Variants in TGFBRAP1 observed in about 807,000 individuals in gnomAD.
TGFBRAP1 encodes transforming growth factor beta receptor associated protein 1.
A neutral mutation model predicts 83.2 loss-of-function variants in TGFBRAP1; 20 were observed. That is an observed-to-expected ratio of 0.24 (90% confidence interval 0.17 to 0.35). TGFBRAP1 has a LOEUF of 0.35. Among genes scored for constraint, TGFBRAP1 ranks in the 10% least tolerant of loss-of-function variants. The pLI, the probability that TGFBRAP1 is intolerant of heterozygous loss-of-function variation, is 1.00. For missense variants in TGFBRAP1, 950 were observed against 1,099.4 expected (o/e 0.86, Z 1.92); for synonymous variants, 415 against 459.8 (o/e 0.90, Z 1.25).
chr2:105,310,719 C>A (rs1446810603), intron 1 of TGFBRAP1, among the ~76,000 whole-genome samples: 1 of 152,114 alleles, frequency 6.6e-6, no homozygotes, highest in Non-Finnish European at 1.5e-5. Context: ...ACCACCAAAA[C>A]CCACCTAGAC....
rs562721192 is a variant in TGFBRAP1, at chr2:105,278,100, G to T, written c.1464-429C>A. On this transcript the variant is annotated intron_variant, in intron 6 of 11. Coordinates refer to ENST00000393359, the MANE Select transcript of TGFBRAP1 (RefSeq NM_004257.6). ...TGTGTGTGTGTGTGTGTGTGTGTGT[G>T]TGTGTGTGTGTGTAGTTCAACAACA... 7.3e-5 allele frequency among the ~76,000 whole-genome samples: 9 copies of T among 124,110 alleles called. No individual in the cohort carries two copies. In the East Asian group the frequency reaches 2.0e-3, roughly 27 times the overall value. The allele number at this position is 124,110 out of a possible 152,430, so 81.4% of individuals were successfully genotyped here.
chr2:105,316,478 C>T (rs1217644430), intron 1 of TGFBRAP1, among the ~76,000 whole-genome samples: 5 of 64,874 alleles, frequency 7.7e-5, no homozygotes, highest in South Asian at 4.5e-4. Context: ...CGCGCGCGCG[C>T]GCACGCGCAC....
At chr2:105,280,361 T>C in intron 6 of TGFBRAP1, 21 bp downstream of exon 6, 1 of 1,604,630 alleles carries the variant, frequency 6.2e-7, no homozygotes, top group Non-Finnish European at 8.5e-7. Flanking sequence ...GCCCTGATCA[T>C]ATCAGGAAGG....
In TGFBRAP1 at chr2:105,266,527, C is replaced by T. The variant is rs1676939525; in HGVS notation, c.*856G>A. The T allele has an allele frequency of 1.3e-5, 2 of 152,322 alleles. No homozygotes were observed. Among genetic ancestry groups the T allele is most frequent in the African/African-American group, 4.8e-5 (2 of 41,578 alleles). 9.4% of individuals were successfully genotyped at this position (152,322 alleles called of 1,614,324 possible). On this transcript the variant is annotated 3_prime_UTR_variant, in exon 12 of 12. Coordinates refer to ENST00000393359, the MANE Select transcript of TGFBRAP1 (RefSeq NM_004257.6). ...AAAATGTTTAGTTCAACGTGTTCGT[C>T]ATGGAGTTTCAAATCAGCAGATGCC...
intron 1 of TGFBRAP1, among the ~76,000 whole-genome samples, chr2:105,323,055 A>C (rs1679114475): frequency 6.6e-6 from 1 of 152,162 alleles, no homozygotes; most frequent in South Asian, 2.1e-4. Flanking sequence ...GGTGAGGAGG[A>C]AGGTGAAGGA....
At chr2:105,272,449 A>C (rs2104314932) in intron 10 of TGFBRAP1, among the ~76,000 whole-genome samples, 1 of 152,332 alleles carries the variant, frequency 6.6e-6, no homozygotes, top group Admixed American at 6.5e-5. Context: ...AGAGACACAC[A>C]GACGTCTAAA....
intron 1 of TGFBRAP1, chr2:105,327,204 A>C (rs895251194): frequency 1.3e-5 from 2 of 152,000 alleles, no homozygotes; most frequent in African/African-American, 4.8e-5. Context: ...TGAAGGAATA[A>C]GCCAAATAAC....
intron 7 of TGFBRAP1, among the ~76,000 whole-genome samples, chr2:105,276,984 A>G (rs1677372932): frequency 6.6e-6 from 1 of 152,224 alleles, no homozygotes; most frequent in South Asian, 2.1e-4. Context: ...CATAACTAAT[A>G]ACGAAGGGGA....
intron 1 of TGFBRAP1, among the ~76,000 whole-genome samples, chr2:105,319,149 C>T (rs1251472506): frequency 6.6e-6 from 1 of 152,026 alleles, no homozygotes; most frequent in Admixed American, 6.5e-5. Flanking sequence ...CAACATCTGC[C>T]TCCTAGGTTC....
Position 105,298,538 on chromosome 2 carries a change from C to T in TGFBRAP1, c.856G>A (p.Glu286Lys), listed in dbSNP as rs1678162557. ...TCAAAGTCCTGTAGGATATGGCCCT[C>T]CTTAAAGGGCAGCGTCTGCTTCTGT... ...QQQKQTLPFK[E>K]GHILQDFEGR... The change falls in exon 3 of 12, where the codon GAG becomes AAG. Residue 286 changes from glutamate to lysine, a missense_variant. Transcript: ENST00000393359. 2 of 1,610,170 alleles carry T rather than the reference C, an allele frequency of 1.2e-6. No homozygotes were observed. Among genetic ancestry groups the T allele is most frequent in the African/African-American group, 1.3e-5 (1 of 74,858 alleles).
the TGFBRAP1 span, among the ~76,000 whole-genome samples, chr2:105,256,329 C>A: frequency 8.9e-3 from 1,355 of 152,178 alleles, 16 homozygotes; most frequent in African/African-American, 0.03. Context: ...TCAAACTGAC[C>A]CCTTTCTCTC....
At position 105,277,683 on chromosome 2, in the gene TGFBRAP1, C is replaced by T. The variant is rs747901597; in HGVS notation, c.1464-12G>A. 6.2e-7 allele frequency: 1 copy of T among 1,613,934 alleles called. No homozygotes were observed. The highest frequency in any genetic ancestry group is 1.7e-5 in the Admixed American group (1 of 60,010). On this transcript the variant is annotated splice_polypyrimidine_tract_variant and intron_variant, in intron 6 of 11. Transcript: ENST00000393359. Reference sequence around the variant, plus strand: ...CAAGTGCAAAATACCTGAAACAGAACAACACGGTAAGTACAACCTCTCCCC... The same window carrying T: ...CAAGTGCAAAATACCTGAAACAGAATAACACGGTAAGTACAACCTCTCCCC...
In TGFBRAP1 at chr2:105,305,419, C is replaced by A. The variant is rs138537993; in HGVS notation, c.688+2195G>T. ...ACACTAACTCTAATATGAGCCACCC[C>A]TGGCTGGAAGAAAATACCAGGAGAC... On this transcript the variant is annotated intron_variant, in intron 2 of 11. Transcript: ENST00000393359. Among the ~76,000 whole-genome samples, 26 of 152,298 alleles carry A rather than the reference C, an allele frequency of 1.7e-4. 1 individual carries two copies. In the East Asian group the frequency reaches 3.7e-3, roughly 22 times the overall value.
chr2:105,311,958 A>T (rs1678708748), intron 1 of TGFBRAP1, among the ~76,000 whole-genome samples: 1 of 152,102 alleles, frequency 6.6e-6, no homozygotes, highest in Non-Finnish European at 1.5e-5. Flanking sequence ...CAGTGGGAAA[A>T]TTCTCTCCAT....
intron 4 of TGFBRAP1, among the ~76,000 whole-genome samples, chr2:105,288,912 G>C (rs1469080191): frequency 2.0e-5 from 3 of 152,024 alleles, no homozygotes; most frequent in Non-Finnish European, 4.4e-5. Flanking sequence ...ACCCTCTTGG[G>C]GAATCACAAT....
the TGFBRAP1 span, among the ~76,000 whole-genome samples, chr2:105,256,897 G>A: frequency 2.0e-5 from 3 of 152,202 alleles, no homozygotes; most frequent in Admixed American, 2.0e-4. Context: ...AACCAAGATG[G>A]CGATGAGAGT....
Position 105,298,717 on chromosome 2 carries a change from A to T in TGFBRAP1, c.689-12T>A. 6.4e-7 allele frequency: 1 copy of T among 1,559,816 alleles called. No individual in the cohort carries two copies. The highest frequency in any genetic ancestry group is 8.7e-7 in the Non-Finnish European group (1 of 1,146,544). On this transcript the variant is annotated splice_polypyrimidine_tract_variant and intron_variant, in intron 2 of 11. Coordinates refer to ENST00000393359, the MANE Select transcript of TGFBRAP1 (RefSeq NM_004257.6). ...TGTGGCAAACATGCCTAGAAGTAAG[A>T]AGAAAGAGTTAGGTAGGCTTCCAAA...
intron 1 of TGFBRAP1, among the ~76,000 whole-genome samples, chr2:105,315,507 C>T (rs1334015644): frequency 6.6e-6 from 1 of 152,114 alleles, no homozygotes; most frequent in Non-Finnish European, 1.5e-5. Context: ...TAGAAAAACT[C>T]CTACAAACTA....
At chr2:105,299,982 C>T (rs1221196404) in intron 2 of TGFBRAP1, among the ~76,000 whole-genome samples, 1 of 152,188 alleles carries the variant, frequency 6.6e-6, no homozygotes, top group African/African-American at 2.4e-5. Context: ...AGGAGTGCAA[C>T]TGCTGTCAAC....
Sources: gnomAD v4.1 joint callset for allele counts (sites outside exome capture counted in the v4.1 genomes callset) on GRCh38, gnomAD v4.1.1 for gene constraint, MANE v1.5 for transcripts, NCBI Gene and HGNC (gene_info 2026-07-23, HGNC 2026-07-21) for gene names.